ADAM12: variants seen among roughly 807,000 people sequenced by gnomAD.
The protein encoded by ADAM12 is ADAM metallopeptidase domain 12, also known as disintegrin and metalloproteinase domain-containing protein 12.
A neutral mutation model predicts 106.4 loss-of-function variants in ADAM12; 70 were observed. That is an observed-to-expected ratio of 0.66 (90% CI 0.54 to 0.80). ADAM12 has a LOEUF of 0.80. ADAM12 is among the 30% of genes least tolerant of loss of function. ADAM12 has a pLI of 0.00. For missense variants in ADAM12, 1,010 were observed against 1,171.9 expected, an observed-to-expected ratio of 0.86 and a Z score of 2.02; for synonymous variants, 420 against 433.5, an observed-to-expected ratio of 0.97 and a Z score of 0.39.
intron 2 of ADAM12, among the ~76,000 whole-genome samples, chr10:126,287,150 C>G (rs1050949334): frequency 1.3e-5 from 2 of 152,140 alleles, no homozygotes; most frequent in Non-Finnish European, 2.9e-5. Context: ...TTAGCTATAG[C>G]CAGAGCATCT....
At chr10:126,251,225 C>A (rs1366135351) in intron 3 of ADAM12, among the ~76,000 whole-genome samples, 1 of 152,226 alleles carries the variant, frequency 6.6e-6, no homozygotes, top group Non-Finnish European at 1.5e-5. Context: ...TTTCTGAGAC[C>A]TGGTTCGTTG....
chr10:126,198,203 G>A (rs553179158), intron 3 of ADAM12, among the ~76,000 whole-genome samples: 1 of 152,240 alleles, frequency 6.6e-6, no homozygotes, highest in Non-Finnish European at 1.5e-5. Flanking sequence ...GACAGGAGAG[G>A]GGTCAGTCAC....
Position 126,094,031 on chromosome 10 carries a change from G to C in ADAM12, c.1099C>G (p.Gln367Glu), listed in dbSNP as rs1955511736. The change falls in exon 11 of 23, where the codon CAA becomes GAA. Residue 367 changes from glutamine to glutamate, a missense_variant. This residue lies in a region of ADAM12 where 615 missense variants were observed against 708.5 expected (regional missense o/e 0.87). Transcript: ENST00000448723. Reference sequence around the variant, plus strand: ...CAGCCTCCTTTCTCAACCGCCATTTGACAGCTACAGCCCCTGTCCAGTGTG... The same window carrying C: ...CAGCCTCCTTTCTCAACCGCCATTTCACAGCTACAGCCCCTGTCCAGTGTG... ...HDTLDRGCSC[Q>E]MAVEKGGCIM... The C allele has an allele frequency of 6.2e-7, 1 of 1,614,174 alleles. No individual in the cohort carries two copies. Among genetic ancestry groups the C allele is most frequent in the Non-Finnish European group, 8.5e-7 (1 of 1,180,032 alleles).
chr10:126,289,952 G>C (rs1048844301), intron 2 of ADAM12, among the ~76,000 whole-genome samples: 8 of 152,192 alleles, frequency 5.3e-5, no homozygotes, highest in Admixed American at 5.2e-4. Context: ...TACCTTACTT[G>C]GCAAAAGGGA....
intron 11 of ADAM12, among the ~76,000 whole-genome samples, chr10:126,080,162 C>T (rs1955185199): frequency 6.6e-6 from 1 of 152,106 alleles, no homozygotes. Flanking sequence ...GGTCATTGTG[C>T]CTCCTTTGTG....
chr10:126,121,167 A>ATATATAATATATATAC (rs1956096097), intron 5 of ADAM12, among the ~76,000 whole-genome samples: 3 of 83,760 alleles, frequency 3.6e-5, no homozygotes, highest in African/African-American at 5.1e-5. Flanking sequence ...TATATATACT[A>ATATATAATATATATAC]TATATACTAT....
intron 1 of ADAM12, among the ~76,000 whole-genome samples, chr10:126,360,227 C>T (rs1855694560): frequency 6.6e-6 from 1 of 152,150 alleles, no homozygotes; most frequent in Non-Finnish European, 1.5e-5. Context: ...TCTGACTTGC[C>T]CTGGAGACAT....
Position 126,116,469 on chromosome 10 carries a change from G to A in ADAM12, c.603+1569C>T, listed in dbSNP as rs142989267. ...TAAATCCACCACTAAGACAGGTTGCGGGGAGAAGCACAAGTTGAAAAGTCT... is the reference window on the plus strand; with the variant it reads ...TAAATCCACCACTAAGACAGGTTGCAGGGAGAAGCACAAGTTGAAAAGTCT... On this transcript the variant is annotated intron_variant, in intron 6 of 22. Transcript: ENST00000448723. 6.5e-3 allele frequency among the ~76,000 whole-genome samples: 995 copies of A among 152,154 alleles called. 13 individuals are homozygous for A. Among genetic ancestry groups the A allele is most frequent in the Non-Finnish European group, 0.01 (683 of 68,010 alleles).
chr10:126,251,950 GATGGATAGA>G (rs1185687572), intron 3 of ADAM12, among the ~76,000 whole-genome samples: 1 of 150,518 alleles, frequency 6.6e-6, no homozygotes, highest in Non-Finnish European at 1.5e-5. Flanking sequence ...GGGATGATGG[GATGGATAGA>G]ATGGATAGAT....
At chr10:126,110,835 CT>C (rs1433675484) in intron 6 of ADAM12, among the ~76,000 whole-genome samples, 12 of 152,304 alleles carry the variant, frequency 7.9e-5, no homozygotes, top group African/African-American at 2.6e-4. Flanking sequence ...ACAAAGCCTT[CT>C]GTTTCTGCCA....
chr10:126,109,965 A>T, intron 6 of ADAM12, 125 bp from the exon 7 acceptor site: 2 of 761,418 alleles, frequency 2.6e-6, no homozygotes, highest in Non-Finnish European at 2.0e-6. Context: ...AGGCCCCCAC[A>T]CCTCCATTCC....
intron 11 of ADAM12, among the ~76,000 whole-genome samples, chr10:126,074,800 C>T (rs558819076): frequency 1.3e-5 from 2 of 152,294 alleles, no homozygotes; most frequent in Admixed American, 1.3e-4. Flanking sequence ...GTAGCGATGT[C>T]CTCCTCAGAT....
intron 3 of ADAM12, among the ~76,000 whole-genome samples, chr10:126,230,224 C>T (rs748664986): frequency 1.3e-5 from 2 of 152,134 alleles, no homozygotes; most frequent in Non-Finnish European, 2.9e-5. Flanking sequence ...ATGCAGGGTA[C>T]ACTCGTAGAG....
intron 3 of ADAM12, among the ~76,000 whole-genome samples, chr10:126,229,605 C>T (rs1294916699): frequency 2.1e-5 from 3 of 145,580 alleles, no homozygotes; most frequent in Non-Finnish European, 4.5e-5. Flanking sequence ...GCATTCTCTC[C>T]CTCTCCCTCC....
intron 1 of ADAM12, among the ~76,000 whole-genome samples, chr10:126,344,698 T>C (rs141732787): frequency 0.064 from 9,731 of 152,038 alleles, 548 homozygotes; most frequent in East Asian, 0.26. Context: ...TTTTATTTCA[T>C]TGAGCAGTGG....
chr10:126,041,260 A>T, intron 18 of ADAM12: 2 of 900,170 alleles, frequency 2.2e-6, no homozygotes, highest in Non-Finnish European at 2.7e-6. Context: ...CCCCTGAGCC[A>T]TGGCCAGGCC....
At chr10:126,034,335 T>C (rs73374539) in intron 21 of ADAM12, among the ~76,000 whole-genome samples, 3,140 of 152,228 alleles carry the variant, frequency 0.021, 109 homozygotes, top group African/African-American at 0.069. Flanking sequence ...CTACAATGCA[T>C]AGGAAAACCC....
intron 3 of ADAM12, among the ~76,000 whole-genome samples, chr10:126,240,734 T>C (rs549576536): frequency 1.2e-4 from 19 of 152,228 alleles, no homozygotes; most frequent in East Asian, 1.9e-4. Flanking sequence ...CAGCTGGAAC[T>C]CAGTGAAAGA....
At chr10:126,054,972 C>T (rs1954596826) in intron 14 of ADAM12, among the ~76,000 whole-genome samples, 1 of 152,156 alleles carries the variant, frequency 6.6e-6, no homozygotes, top group African/African-American at 2.4e-5. Context: ...CATCCATCTC[C>T]CTCACACTTC....
Sources: gnomAD v4.1 joint callset for allele counts (sites outside exome capture counted in the v4.1 genomes callset) on GRCh38, gnomAD v4.1.1 for gene constraint, gnomAD v4.1.1 regional missense constraint, MANE v1.5 for transcripts, NCBI Gene and HGNC (gene_info 2026-07-23, HGNC 2026-07-21) for gene names.